ANXA6: variants seen among roughly 807,000 people sequenced by gnomAD.
ANXA6 encodes 67 kDa calelectrin.
In ANXA6, 71 loss-of-function variants were observed where a neutral mutation model predicts 95.4. The observed-to-expected ratio is 0.74, with a 90% CI of 0.61 to 0.91. The LOEUF is 0.91. ANXA6 is among the 40% of genes least tolerant of loss of function. The pLI is 0.00. For synonymous variants in ANXA6, 289 were observed against 315.9 expected (o/e 0.91, Z 0.90); for missense variants, 830 against 876.4 (o/e 0.95, Z 0.67).
intron 20 of ANXA6, 106 bp from the exon 21 acceptor site, chr5:151,110,750 T>G: frequency 8.0e-7 from 1 of 1,252,268 alleles, no homozygotes; most frequent in Non-Finnish European, 1.2e-6. Context: ...GGGGCCTGGC[T>G]GGGAGTGGGA....
At position 151,105,286 on chromosome 5, in the gene ANXA6, T is replaced by G. The variant is rs1393005944; in HGVS notation, c.1798A>C (p.Lys600Gln). The stretch of plus-strand genomic sequence containing the variant: ...AGTTTGTCGGCAAAGAAGAGAGGCT[T>G]GTTCTTGACACTTTGAACTGGTAGG... The part of the protein sequence containing the change: ...FVAIVQSVKN[K>Q]PLFFADKLYK... The change falls in exon 24 of 26, where the codon AAG (lysine) becomes CAG (glutamine). Residue 600 changes from lysine (K) to glutamine (Q), a missense_variant. Transcript: ENST00000354546. The G allele has an allele frequency of 6.2e-7, 1 of 1,613,996 alleles. No individual in the cohort carries two copies. Among genetic ancestry groups the G allele is most frequent in the South Asian group, 1.1e-5 (1 of 91,084 alleles).
chr5:151,144,130 G>C (rs929666802), intron 2 of ANXA6, among the ~76,000 whole-genome samples: 29 of 152,186 alleles, frequency 1.9e-4, no homozygotes, highest in Admixed American at 5.2e-4. Context: ...GCCCTGCTGG[G>C]CTGGCCTGGG....
chr5:151,132,124 G>A (rs912561480), intron 10 of ANXA6, among the ~76,000 whole-genome samples: 1 of 152,094 alleles, frequency 6.6e-6, no homozygotes, highest in Non-Finnish European at 1.5e-5. Flanking sequence ...GCCACTGCTG[G>A]GTCTTTTTTA....
chr5:151,126,318 G>T, intron 14 of ANXA6, 84 bp downstream of exon 14: 1 of 1,239,524 alleles, frequency 8.1e-7, no homozygotes, highest in Non-Finnish European at 1.2e-6. Context: ...CCAGGGGGCA[G>T]CTGGGTGCCA....
At chr5:151,121,198 T>C (rs1341047092) in intron 17 of ANXA6, among the ~76,000 whole-genome samples, 1 of 152,242 alleles carries the variant, frequency 6.6e-6, no homozygotes, top group African/African-American at 2.4e-5. Flanking sequence ...AGACAGGCTC[T>C]AGAGTCAGAA....
In ANXA6 at chr5:151,137,275, C is replaced by A. The variant is rs767779941; in HGVS notation, c.365G>T (p.Arg122Leu). The A allele has an allele frequency of 1.2e-6, 2 of 1,613,568 alleles. No homozygotes were observed. Among genetic ancestry groups the A allele is most frequent in the Non-Finnish European group, 1.7e-6 (2 of 1,179,778 alleles). Residue 122 changes from arginine to leucine, a missense_variant, in exon 6 of 26, where the codon CGG becomes CTG. Physicochemically the swap from Arg to Leu is moderately radical, Grantham distance 102 (BLOSUM62 -2). Transcript: ENST00000354546. The stretch of plus-strand genomic sequence containing the variant: ...CAGCTGGTGCATCTGCTCATTGGTC[C>A]GGGAAGCCAAGATCTCAATGAGGCA... The part of the protein sequence containing the change: ...EKCLIEILAS[R>L]TNEQMHQLVA...
chr5:151,150,294 G>A (rs1437354774), intron 1 of ANXA6, among the ~76,000 whole-genome samples: 1 of 152,058 alleles, frequency 6.6e-6, no homozygotes, highest in African/African-American at 2.4e-5. Flanking sequence ...TGTGACCGTG[G>A]GCTTATTGCT....
chr5:151,145,444 C>T (rs186905812), intron 2 of ANXA6, among the ~76,000 whole-genome samples: 107 of 152,274 alleles, frequency 7.0e-4, no homozygotes, highest in African/African-American at 2.1e-3. Context: ...GAGGCCACAG[C>T]GCCATGCCTC....
chr5:151,151,384 G>T (rs1463279752), intron 1 of ANXA6: 1 of 152,152 alleles, frequency 6.6e-6, no homozygotes, highest in African/African-American at 2.4e-5. Flanking sequence ...TCATTTTCTA[G>T]ACGGGGTAAA....
rs532637425 is a variant in ANXA6 at position 151,105,518 on chromosome 5, C to T, written c.1781-215G>A. The stretch of plus-strand genomic sequence containing the variant: ...AGGCCTGGCTCTCAATTGGTTGCAA[C>T]TCTCTTCCTTCTAAGGTGCTTACAG... On this transcript the variant is annotated intron_variant, in intron 23 of 25. Transcript: ENST00000354546. Among the ~76,000 whole-genome samples the T allele has an allele frequency of 1.1e-4, 16 of 152,298 alleles. No individual in the cohort carries two copies. The South Asian group carries it at 3.3e-3, about 32-fold the overall frequency.
intron 24 of ANXA6, 45 bp from the exon 25 acceptor site, chr5:151,103,737 A>G (rs377662700): frequency 6.3e-7 from 1 of 1,578,378 alleles, no homozygotes; most frequent in African/African-American, 1.4e-5. Flanking sequence ...AAGGAGAGAT[A>G]GAGCCCAGTC....
intron 14 of ANXA6, 50 bp from the exon 15 acceptor site, chr5:151,124,417 G>A (rs780021143): frequency 6.5e-7 from 1 of 1,548,844 alleles, no homozygotes; most frequent in East Asian, 2.4e-5. Context: ...CCCCCCTGGG[G>A]ACCAGGCTGA....
chr5:151,153,089 A>C (rs1284244294), intron 1 of ANXA6, among the ~76,000 whole-genome samples: 2 of 152,120 alleles, frequency 1.3e-5, no homozygotes, highest in African/African-American at 4.8e-5. Flanking sequence ...GGTGCCCCTT[A>C]ATACTGGGCC....
At chr5:151,131,858 A>T (rs1273932161) in intron 10 of ANXA6, among the ~76,000 whole-genome samples, 1 of 152,134 alleles carries the variant, frequency 6.6e-6, no homozygotes, top group Non-Finnish European at 1.5e-5. Flanking sequence ...CAATTAAGGC[A>T]GTCCATCCTT....
rs139038212 is a variant in ANXA6 at position 151,140,789 on chromosome 5, T to C, written c.19-546A>G. Reference sequence around the variant, plus strand: ...TTCACCTCTGTGAATGTCATTAGTGTAGCCATTTGTAGACGCTCTTAAGAT... The same window carrying C: ...TTCACCTCTGTGAATGTCATTAGTGCAGCCATTTGTAGACGCTCTTAAGAT... On this transcript the variant is annotated intron_variant, in intron 2 of 25. Transcript: ENST00000354546. Among the ~76,000 whole-genome samples the C allele has an allele frequency of 2.0e-5, 3 of 152,288 alleles. No homozygotes were observed. The East Asian group carries it at 5.8e-4, about 29-fold the overall frequency.
intron 7 of ANXA6, among the ~76,000 whole-genome samples, chr5:151,135,032 G>A (rs1765617632): frequency 6.6e-6 from 1 of 152,184 alleles, no homozygotes; most frequent in Non-Finnish European, 1.5e-5. Context: ...CATGCCCTTT[G>A]CCTCATCTGA....
rs79987783 is a variant in ANXA6 at position 151,128,335 on chromosome 5, C to T, written c.919-96G>A. On this transcript the variant is annotated intron_variant, in intron 12 of 25. Coordinates refer to ENST00000354546, the MANE Select transcript of ANXA6 (RefSeq NM_001155.5). ...CTGCACAGCCTGAAAGAGGGGAAGG[C>T]TGAATGAACACTTATTCATAGCAGC... The T allele has an allele frequency of 2.4e-3, 2,527 of 1,043,196 alleles. 72 individuals carry two copies. The East Asian group carries it at 0.061, about 25-fold the overall frequency. 64.6% of individuals were successfully genotyped at this position (1,043,196 alleles called of 1,614,324 possible).
intron 1 of ANXA6, chr5:151,155,647 C>T (rs1766217650): frequency 6.6e-6 from 1 of 152,228 alleles, no homozygotes; most frequent in East Asian, 1.9e-4. Flanking sequence ...GGAAGTATAT[C>T]GGAGAGGCTG....
At chr5:151,123,041 G>T in intron 15 of ANXA6, 30 bp from the exon 16 acceptor site, 2 of 1,583,340 alleles carry the variant, frequency 1.3e-6, no homozygotes, top group Non-Finnish European at 1.7e-6. Context: ...TGCCTCAGAA[G>T]AAGGCCTGTG....
Sources: gnomAD v4.1 joint callset for allele counts (sites outside exome capture counted in the v4.1 genomes callset) on GRCh38, gnomAD v4.1.1 for gene constraint, MANE v1.5 for transcripts, NCBI Gene and HGNC (gene_info 2026-07-23, HGNC 2026-07-21) for gene names.